The following UBE2E3 variants were observed in gnomAD, a reference collection of about 807,000 sequenced individuals.
The protein encoded by UBE2E3 is ubiquitin conjugating enzyme E2 E3, also known as ubiquitin-conjugating enzyme E2 E3.
In UBE2E3, 5 loss-of-function variants were observed where a neutral mutation model predicts 23.6. That is an observed-to-expected ratio of 0.21 (90% confidence interval 0.11 to 0.44). UBE2E3 has a LOEUF of 0.44. Ranked by LOEUF, UBE2E3 falls within the 20% of genes least tolerant of loss-of-function variation. The pLI is 0.99. For missense variants in UBE2E3, 81 were observed against 249.8 expected (o/e 0.32, Z 4.55); for synonymous variants, 78 against 87.5 (o/e 0.89, Z 0.60).
At chr2:181,005,313 A>C (rs771603846) in intron 3 of UBE2E3, among the ~76,000 whole-genome samples, 2 of 152,182 alleles carry the variant, frequency 1.3e-5, no homozygotes, top group African/African-American at 2.4e-5. Context: ...AAATAGCGTG[A>C]ATCTTGGCCC....
chr2:180,981,996 C>G, intron 1 of UBE2E3, 22 bp from the exon 2 acceptor site: 2 of 1,515,888 alleles, frequency 1.3e-6, no homozygotes, highest in Non-Finnish European at 1.8e-6. Flanking sequence ...TTCTCCTCCT[C>G]CTCCCCTGTT....
At chr2:180,986,171 GA>G (rs1218352219) in intron 3 of UBE2E3, among the ~76,000 whole-genome samples, 1 of 152,110 alleles carries the variant, frequency 6.6e-6, no homozygotes, top group Non-Finnish European at 1.5e-5. Context: ...AACCTGTGAT[GA>G]CTATCAACTG....
chr2:181,011,071 C>CACAGGGTCTT (rs1389889443), intron 3 of UBE2E3, among the ~76,000 whole-genome samples: 2 of 151,762 alleles, frequency 1.3e-5, no homozygotes, highest in Non-Finnish European at 2.9e-5. Context: ...GTGACTTGAG[C>CACAGGGTCTT]ACAGGGTCTT....
At chr2:181,029,151 G>A (rs989095369) in intron 3 of UBE2E3, among the ~76,000 whole-genome samples, 7 of 151,294 alleles carry the variant, frequency 4.6e-5, no homozygotes, top group Non-Finnish European at 1.0e-4. Flanking sequence ...TTCTGTGTTG[G>A]GCTCTTCCAT....
At chr2:180,980,384 G>T (rs1218934101), upstream of UBE2E3, 2 of 151,732 alleles carry the variant, frequency 1.3e-5, no homozygotes, top group African/African-American at 2.4e-5. The surrounding 1 kb of genome is among the most constrained non-coding windows in gnomAD (Gnocchi z 5.5). Context: ...GGCCAAGGGC[G>T]GCAGGGGCCA....
At chr2:181,011,229 G>A (rs1424961190) in intron 3 of UBE2E3, among the ~76,000 whole-genome samples, 1 of 152,030 alleles carries the variant, frequency 6.6e-6, no homozygotes, top group African/African-American at 2.4e-5. Context: ...ATGTTATGGA[G>A]GCTAGAAAAT....
intron 3 of UBE2E3, among the ~76,000 whole-genome samples, chr2:181,057,368 C>T (rs146813870): frequency 4.0e-5 from 6 of 151,552 alleles, no homozygotes; most frequent in African/African-American, 1.5e-4. Context: ...AAGTATGTCT[C>T]TATGCATGCT....
At chr2:181,055,888 A>G (rs979766990) in intron 3 of UBE2E3, among the ~76,000 whole-genome samples, 5 of 151,678 alleles carry the variant, frequency 3.3e-5, no homozygotes, top group African/African-American at 9.7e-5. Flanking sequence ...TATTTGAACT[A>G]TCTCTCTTGT....
At chr2:180,997,514 C>G (rs1255290934) in intron 3 of UBE2E3, among the ~76,000 whole-genome samples, 1 of 151,956 alleles carries the variant, frequency 6.6e-6, no homozygotes, top group Non-Finnish European at 1.5e-5. Context: ...GATATATATT[C>G]TTTTTTCACC....
chr2:181,030,423 T>C lies in UBE2E3; in HGVS notation c.246-27270T>C, dbSNP rs191761809. 6.2e-3 allele frequency among the ~76,000 whole-genome samples: 951 copies of C among 152,192 alleles called. 12 individuals are homozygous for C. Among genetic ancestry groups the C allele is most frequent in the African/African-American group, 0.021 (886 of 41,544 alleles). ...TATTTTTCTAATGTCAGACTAACTT[T>C]GCATTTCCAATTTGGCAATATATAT... is the stretch of plus-strand genomic sequence containing the variant. On this transcript the variant is annotated intron_variant, in intron 3 of 5. Coordinates refer to ENST00000410062, the MANE Select transcript of UBE2E3 (RefSeq NM_006357.4).
At chr2:181,048,451 G>GGC (rs1686735645) in intron 3 of UBE2E3, among the ~76,000 whole-genome samples, 1 of 152,100 alleles carries the variant, frequency 6.6e-6, no homozygotes, top group Non-Finnish European at 1.5e-5. Flanking sequence ...AGGTTCACAA[G>GGC]GCACAGTATG....
chr2:181,013,965 A>G (rs1480938535), intron 3 of UBE2E3, among the ~76,000 whole-genome samples: 1 of 152,198 alleles, frequency 6.6e-6, no homozygotes, highest in Non-Finnish European at 1.5e-5. Flanking sequence ...GATCAGTAAC[A>G]TGCTTCTAAT....
At chr2:181,058,761 G>A (rs558165849) in intron 4 of UBE2E3, among the ~76,000 whole-genome samples, 6 of 151,764 alleles carry the variant, frequency 4.0e-5, no homozygotes, top group Admixed American at 1.3e-4. Context: ...GATTTATTTT[G>A]TGAATAAAAG....
chr2:181,029,243 C>G (rs564940269), intron 3 of UBE2E3, among the ~76,000 whole-genome samples: 3 of 151,914 alleles, frequency 2.0e-5, no homozygotes, highest in Non-Finnish European at 4.4e-5. Flanking sequence ...GTCTTGATAT[C>G]TAGTAGGACA....
At chr2:181,053,836 G>A (rs1216277995) in intron 3 of UBE2E3, among the ~76,000 whole-genome samples, 1 of 151,644 alleles carries the variant, frequency 6.6e-6, no homozygotes, top group Non-Finnish European at 1.5e-5. Context: ...CAGATCCTCC[G>A]TGCTGTGCCT....
At chr2:181,015,982 A>G (rs185698676) in intron 3 of UBE2E3, among the ~76,000 whole-genome samples, 5 of 115,866 alleles carry the variant, frequency 4.3e-5, no homozygotes, top group Admixed American at 4.2e-4. Flanking sequence ...GAATGAGTCC[A>G]GAGTAATTAG....
At chr2:181,033,718 G>T (rs1686165710) in intron 3 of UBE2E3, among the ~76,000 whole-genome samples, 3 of 152,094 alleles carry the variant, frequency 2.0e-5, no homozygotes, top group Non-Finnish European at 4.4e-5. Flanking sequence ...CACAGCAAAA[G>T]AAACTACCAT....
chr2:181,054,766 T>C (rs1268131695), intron 3 of UBE2E3, among the ~76,000 whole-genome samples: 1 of 151,756 alleles, frequency 6.6e-6, no homozygotes, highest in Non-Finnish European at 1.5e-5. Context: ...ATTGGTGGTA[T>C]TGGGAGCCGT....
rs1297861461 is a variant in UBE2E3, at chr2:181,012,707, TGTTA to T, written c.245+28619_245+28622del. 7.2e-5 allele frequency among the ~76,000 whole-genome samples: 11 copies of T among 152,304 alleles called. No individual in the cohort carries two copies. In the South Asian group the frequency reaches 1.4e-3, roughly 20 times the overall value. ...ATATACATATACCCATATCCCTAGTTGTTAGTTATACAGATATTTAGTTGTAATT... is the reference window on the plus strand; with the variant it reads ...ATATACATATACCCATATCCCTAGTTGTTATACAGATATTTAGTTGTAATT... On this transcript the variant is annotated intron_variant, in intron 3 of 5. Transcript: ENST00000410062.
Sources: gnomAD v4.1 joint callset for allele counts (sites outside exome capture counted in the v4.1 genomes callset) on GRCh38, gnomAD v4.1.1 for gene constraint, Gnocchi (gnomAD v3.1) non-coding constraint, MANE v1.5 for transcripts, NCBI Gene and HGNC (gene_info 2026-07-23, HGNC 2026-07-21) for gene names.